EIF4G3: variants seen among roughly 807,000 people sequenced by gnomAD.
The protein encoded by EIF4G3 is eukaryotic translation initiation factor 4 gamma 3, also known as eIF-4-gamma 3.
EIF4G3 carries 34 observed loss-of-function variants against 186.4 expected under a neutral mutation model. That is an observed-to-expected ratio of 0.18 (90% CI 0.14 to 0.24). The LOEUF (loss-of-function observed/expected upper bound fraction) is 0.24, where lower values mean the gene tolerates loss of function less well. Among genes scored for constraint, EIF4G3 ranks in the 10% least tolerant of loss-of-function variants. EIF4G3 has a pLI of 1.00. For missense variants in EIF4G3, 1,536 were observed against 1,948.5 expected, an observed-to-expected ratio of 0.79 and a Z score of 3.99; for synonymous variants, 673 against 679.5, an observed-to-expected ratio of 0.99 and a Z score of 0.15.
At chr1:21,050,735 G>T in intron 4 of EIF4G3, 131 bp downstream of exon 4, 1 of 584,306 alleles carries the variant, frequency 1.7e-6, no homozygotes, top group Non-Finnish European at 3.0e-6. Flanking sequence ...AGTCTGAAAA[G>T]ATGCCAAAGA....
chr1:21,053,945 G>A (rs1389440628), intron 3 of EIF4G3, among the ~76,000 whole-genome samples: 3 of 152,066 alleles, frequency 2.0e-5, no homozygotes, highest in Non-Finnish European at 2.9e-5. Context: ...CCCTCTGCCC[G>A]GCCACCACCC....
chr1:21,157,616 G>A (rs574591655), intron 2 of EIF4G3, among the ~76,000 whole-genome samples: 2 of 152,120 alleles, frequency 1.3e-5, no homozygotes, highest in Admixed American at 1.3e-4. Flanking sequence ...GATTACAGGT[G>A]TGAGCCACCA....
chr1:21,024,099 C>G (rs2091539158), intron 4 of EIF4G3, among the ~76,000 whole-genome samples: 1 of 151,476 alleles, frequency 6.6e-6, no homozygotes, highest in South Asian at 2.1e-4. Context: ...CCTCTCCGCC[C>G]AGCAGCCACC....
At chr1:21,002,368 T>C (rs953113333) in intron 5 of EIF4G3, among the ~76,000 whole-genome samples, 19 of 152,326 alleles carry the variant, frequency 1.2e-4, no homozygotes, top group Middle Eastern at 3.4e-3. Flanking sequence ...AATCATTGTA[T>C]TTTACTCTTA....
At chr1:20,927,855 G>A (rs1245279628) in intron 14 of EIF4G3, among the ~76,000 whole-genome samples, 1 of 152,016 alleles carries the variant, frequency 6.6e-6, no homozygotes, top group Non-Finnish European at 1.5e-5. Flanking sequence ...GATTGCTACA[G>A]GTGTTTTTTG....
intron 23 of EIF4G3, among the ~76,000 whole-genome samples, chr1:20,861,341 A>C (rs1392193222): frequency 6.6e-6 from 1 of 152,238 alleles, no homozygotes; most frequent in Non-Finnish European, 1.5e-5. Flanking sequence ...AAAACAGAGA[A>C]AAGTAGTAGT....
At position 20,835,283 on chromosome 1, in the gene EIF4G3, G is replaced by T. The variant is rs113572003; in HGVS notation, c.4061+5573C>A. Among the ~76,000 whole-genome samples the T allele has an allele frequency of 6.2e-3, 937 of 152,054 alleles. 7 individuals are homozygous for T. The highest frequency in any genetic ancestry group is 0.022 in the African/African-American group (902 of 41,476). ...AGCATCTATATCAAAAAAGAAAAAAGATCTCAAACAATATACCATTCATTA... is the reference window on the plus strand; with the variant it reads ...AGCATCTATATCAAAAAAGAAAAAATATCTCAAACAATATACCATTCATTA... On this transcript the variant is annotated intron_variant, in intron 30 of 36. Transcript: ENST00000602326.
intron 18 of EIF4G3, chr1:20,892,484 A>C (rs2086417951): frequency 1.4e-6 from 1 of 700,896 alleles, no homozygotes. Context: ...TCTGCAGTTT[A>C]CCAATACTGC....
Position 20,810,996 on chromosome 1 carries a change from C to A in EIF4G3, c.4598-112G>T. 1 of 1,083,016 alleles carries A rather than the reference C, an allele frequency of 9.2e-7. No individual in the cohort carries two copies. The highest frequency in any genetic ancestry group is 1.3e-6 in the Non-Finnish European group (1 of 773,360). 67.1% of individuals were successfully genotyped at this position (1,083,016 alleles called of 1,614,324 possible). ...ACAGAGCCTCACTCTATTGCCCAGGCTGGAGTGCAGTGGCACAATCTAAGC... is the reference window on the plus strand; with the variant it reads ...ACAGAGCCTCACTCTATTGCCCAGGATGGAGTGCAGTGGCACAATCTAAGC... On this transcript the variant is annotated intron_variant, in intron 35 of 36. Coordinates refer to ENST00000602326, the MANE Select transcript of EIF4G3 (RefSeq NM_001391906.1). The surrounding 1 kb of genome is among the most constrained non-coding windows in gnomAD (Gnocchi z 4.1).
chr1:20,913,705 G>C (rs2093524305), intron 14 of EIF4G3, among the ~76,000 whole-genome samples: 2 of 146,054 alleles, frequency 1.4e-5, no homozygotes, highest in African/African-American at 5.1e-5. Flanking sequence ...TGTTACATTT[G>C]TTTCCTATCT....
At chr1:20,995,762 G>C (rs1323521407) in intron 7 of EIF4G3, among the ~76,000 whole-genome samples, 1 of 152,106 alleles carries the variant, frequency 6.6e-6, no homozygotes, top group African/African-American at 2.4e-5. Context: ...GTGGTCAATG[G>C]TAACGTTAAT....
intron 2 of EIF4G3, among the ~76,000 whole-genome samples, chr1:21,091,999 G>A (rs1378561991): frequency 6.6e-6 from 1 of 152,148 alleles, no homozygotes; most frequent in Non-Finnish European, 1.5e-5. Context: ...TCTCCTGCCT[G>A]ATTGCCCTGG....
At chr1:20,818,611 C>CACAAT (rs1176560717) in intron 33 of EIF4G3, among the ~76,000 whole-genome samples, 1 of 151,924 alleles carries the variant, frequency 6.6e-6, no homozygotes, top group Non-Finnish European at 1.5e-5. Context: ...CACTGCTCTG[C>CACAAT]AGCCTGGCAA....
At chr1:20,869,607 C>T (rs2078572434) in intron 20 of EIF4G3, among the ~76,000 whole-genome samples, 1 of 151,618 alleles carries the variant, frequency 6.6e-6, no homozygotes. Context: ...AACCCAGTCT[C>T]TACTAAAAAT....
chr1:20,908,682 C>T (rs1156635756), intron 14 of EIF4G3, among the ~76,000 whole-genome samples: 2 of 152,120 alleles, frequency 1.3e-5, no homozygotes, highest in African/African-American at 4.8e-5. Flanking sequence ...TAACTGGATT[C>T]AAATTGTTAC....
At position 21,021,504 on chromosome 1, in the gene EIF4G3, G is replaced by A. The variant is rs915375737; in HGVS notation, c.-66-18696C>T. 4.6e-5 allele frequency among the ~76,000 whole-genome samples: 7 copies of A among 152,156 alleles called. No individual in the cohort carries two copies. In the East Asian group the frequency reaches 7.7e-4, roughly 17 times the overall value. On this transcript the variant is annotated intron_variant, in intron 4 of 36. Transcript: ENST00000602326. ...TCCTTCAAAGCCAAGCATGTAACAGGTATACAGCATAACAGTAACCATACT... is the reference window on the plus strand; with the variant it reads ...TCCTTCAAAGCCAAGCATGTAACAGATATACAGCATAACAGTAACCATACT...
rs545730398 is a variant in EIF4G3, at chr1:21,145,794, A to T, written c.-272+30381T>A. Reference sequence around the variant, plus strand: ...ATTCTCAAAGGCTAAAAATTACAGTAAATGGGCTGGGTGTAGTGGCTCATA... The same window carrying T: ...ATTCTCAAAGGCTAAAAATTACAGTTAATGGGCTGGGTGTAGTGGCTCATA... On this transcript the variant is annotated intron_variant, in intron 2 of 36. Transcript: ENST00000602326. Among the ~76,000 whole-genome samples, 191 of 152,260 alleles carry T rather than the reference A, an allele frequency of 1.3e-3. 1 individual carries two copies. The highest frequency in any genetic ancestry group is 4.4e-3 in the African/African-American group (181 of 41,570).
chr1:20,892,970 T>C (rs1572313640), intron 18 of EIF4G3: 1 of 467,278 alleles, frequency 2.1e-6, no homozygotes, highest in Non-Finnish European at 3.8e-6. Flanking sequence ...TGCAGTGGCA[T>C]GATCATGGCT....
chr1:20,917,398 T>C (rs979506950), intron 14 of EIF4G3, among the ~76,000 whole-genome samples: 2 of 152,180 alleles, frequency 1.3e-5, no homozygotes, highest in African/African-American at 4.8e-5. Context: ...TCCCAGCTAC[T>C]TGGGAGGCTG....
Sources: allele counts gnomAD v4.1 joint callset (sites outside exome capture counted in the v4.1 genomes callset), GRCh38; gene constraint gnomAD v4.1.1; non-coding constraint Gnocchi (gnomAD v3.1); transcripts MANE v1.5; gene names NCBI Gene and HGNC (gene_info 2026-07-23, HGNC 2026-07-21).